Variants in ROBO2 observed in about 807,000 individuals in gnomAD.
The protein encoded by ROBO2 is roundabout homolog 2.
ROBO2 carries 53 observed loss-of-function variants against 160.8 expected under a neutral mutation model. The ratio of observed to expected loss-of-function variants is 0.33; its 90% CI spans 0.26 to 0.41. The LOEUF is 0.41. Ranked by LOEUF, ROBO2 falls within the 10% of genes least tolerant of loss-of-function variation. ROBO2 has a pLI of 1.00. For synonymous variants in ROBO2, 664 were observed against 611.7 expected (o/e 1.09, Z -1.26); for missense variants, 1,577 against 1,722.4 (o/e 0.92, Z 1.49).
At chr3:77,250,692 AAAG>A (rs2090240067) in intron 2 of ROBO2, among the ~76,000 whole-genome samples, 17 of 152,148 alleles carry the variant, frequency 1.1e-4, no homozygotes, top group Admixed American at 7.9e-4. Flanking sequence ...TGGAGTTTGG[AAAG>A]AGGAGATGCA....
intron 2 of ROBO2, among the ~76,000 whole-genome samples, chr3:77,261,425 A>G (rs2058764392): frequency 1.3e-5 from 2 of 152,292 alleles, no homozygotes; most frequent in African/African-American, 4.8e-5. Context: ...TTAAAATGAT[A>G]TTTAGTCTCA....
rs1392579284 is a variant in ROBO2 at position 75,994,923 on chromosome 3, G to A, written c.109+57321G>A. On this transcript the variant is annotated intron_variant, in intron 2 of 26. Coordinates refer to the ROBO2 transcript ENST00000487694. ...GAGATGAGAAACTTGTTGGGAAATGGAAAGTTTTAGCAAAGAGACTGGCGG... is the reference window on the plus strand; with the variant it reads ...GAGATGAGAAACTTGTTGGGAAATGAAAAGTTTTAGCAAAGAGACTGGCGG... Among the ~76,000 whole-genome samples the A allele has an allele frequency of 2.0e-5, 3 of 152,288 alleles. No individual in the cohort carries two copies. In the East Asian group the frequency reaches 5.8e-4, roughly 29 times the overall value.
intron 2 of ROBO2, among the ~76,000 whole-genome samples, chr3:76,983,957 A>G (rs780868879): frequency 1.3e-5 from 2 of 152,220 alleles, no homozygotes; most frequent in Non-Finnish European, 2.9e-5. Flanking sequence ...AGGAAACTTA[A>G]CAATCATGGC....
intron 2 of ROBO2, among the ~76,000 whole-genome samples, chr3:76,336,904 TATG>T (rs1306781904): frequency 6.6e-6 from 1 of 152,182 alleles, no homozygotes; most frequent in Admixed American, 6.5e-5. Flanking sequence ...TTAGGTAAAA[TATG>T]ATTCTAATTC....
intron 2 of ROBO2, among the ~76,000 whole-genome samples, chr3:76,431,147 A>G (rs1047040701): frequency 1.3e-5 from 2 of 152,168 alleles, no homozygotes; most frequent in African/African-American, 4.8e-5. Flanking sequence ...TCATAAAAAG[A>G]TAAACCATTG....
chr3:77,602,670 A>ACCG (rs1559705716), intron 20 of ROBO2, among the ~76,000 whole-genome samples, 179 bp downstream of exon 21: 32 of 116,110 alleles, frequency 2.8e-4, no homozygotes, highest in African/African-American at 7.0e-4. Context: ...CGCCACCACC[A>ACCG]CCACCACCAC....
At chr3:77,112,262 G>A (rs1228605618) in intron 2 of ROBO2, among the ~76,000 whole-genome samples, 1 of 150,944 alleles carries the variant, frequency 6.6e-6, no homozygotes. Flanking sequence ...GGGGACGCAG[G>A]GGCCGGAGTC....
chr3:77,609,205 T>A (rs1459699637), intron 21 of ROBO2, among the ~76,000 whole-genome samples: 2 of 152,066 alleles, frequency 1.3e-5, no homozygotes, highest in African/African-American at 4.8e-5. Context: ...ATATTGTTAT[T>A]TTACTTCTTT....
intron 2 of ROBO2, chr3:76,434,940 G>A (rs1209126695): frequency 1.2e-6 from 2 of 1,600,200 alleles, no homozygotes; most frequent in African/African-American, 2.7e-5. Context: ...CCCCAAACCA[G>A]CCACAAAGAA....
At chr3:76,085,837 A>G (rs1576797188) in intron 2 of ROBO2, among the ~76,000 whole-genome samples, 1 of 152,156 alleles carries the variant, frequency 6.6e-6, no homozygotes, top group African/African-American at 2.4e-5. Flanking sequence ...AAGGGCCCCC[A>G]CACTTTTGTG....
chr3:77,076,653 A>G (rs2149885294), intron 1 of ROBO2, among the ~76,000 whole-genome samples: 1 of 152,310 alleles, frequency 6.6e-6, no homozygotes, highest in Admixed American at 6.5e-5. Flanking sequence ...AACTGTTCAA[A>G]TAAGTATTAG....
In ROBO2 at chr3:77,366,457, C is replaced by A. The variant is rs139628773; in HGVS notation, c.389-110957C>A. On this transcript the variant is annotated intron_variant, in intron 2 of 25. Coordinates refer to ENST00000461745, the Ensembl canonical transcript of ROBO2. The stretch of plus-strand genomic sequence containing the variant: ...CTCTGAGAAGACGGCCTGTAGGAAC[C>A]AGAAAGCAGGCCCTCTCCAGACACC... 1.3e-4 allele frequency among the ~76,000 whole-genome samples: 20 copies of A among 152,188 alleles called. No individual in the cohort carries two copies. In the East Asian group the frequency reaches 3.3e-3, roughly 25 times the overall value.
intron 2 of ROBO2, among the ~76,000 whole-genome samples, chr3:77,469,493 G>C (rs1439391106): frequency 6.6e-6 from 1 of 152,136 alleles, no homozygotes; most frequent in African/African-American, 2.4e-5. Flanking sequence ...AGTGGTGTTG[G>C]TAGGGCTAGG....
intron 2 of ROBO2, among the ~76,000 whole-genome samples, chr3:76,616,745 G>C (rs1425273601): frequency 6.6e-6 from 1 of 152,122 alleles, no homozygotes; most frequent in African/African-American, 2.4e-5. Context: ...ATTTAGAGAG[G>C]TTTTTTGTTT....
chr3:77,513,617 G>C (rs2089663155), intron 5 of ROBO2, among the ~76,000 whole-genome samples: 1 of 151,732 alleles, frequency 6.6e-6, no homozygotes, highest in East Asian at 1.9e-4. Flanking sequence ...TGCAAACTGT[G>C]GGTTTTAAGT....
Position 77,247,142 on chromosome 3 carries a change from T to C in ROBO2, c.388+148802T>C, listed in dbSNP as rs186619165. Among the ~76,000 whole-genome samples the C allele has an allele frequency of 1.6e-3, 246 of 152,338 alleles. 2 individuals are homozygous for C. Among genetic ancestry groups the C allele is most frequent in the African/African-American group, 5.6e-3 (232 of 41,580 alleles). On this transcript the variant is annotated intron_variant, in intron 2 of 25. Transcript: ENST00000461745. The stretch of plus-strand genomic sequence containing the variant: ...GAATCATTCTGTACAGACTGAATTC[T>C]TTAGTCCATGTCTCGAGTTTTAAGT...
At chr3:76,418,306 C>T (rs990484544) in intron 2 of ROBO2, among the ~76,000 whole-genome samples, 27 of 114,702 alleles carry the variant, frequency 2.4e-4, no homozygotes, top group African/African-American at 9.1e-4. Flanking sequence ...TGCAGTGATG[C>T]GATCTCGGCT....
intron 1 of ROBO2, among the ~76,000 whole-genome samples, chr3:75,916,277 C>T (rs1213455721): frequency 3.9e-5 from 6 of 152,144 alleles, no homozygotes; most frequent in African/African-American, 1.4e-4. Flanking sequence ...TTTCACCTTG[C>T]TGGAGAACAA....
intron 2 of ROBO2, among the ~76,000 whole-genome samples, chr3:76,854,024 CTCTCTCT>C (rs769660003): frequency 0.049 from 733 of 15,064 alleles, 3 homozygotes; most frequent in Middle Eastern, 0.17. Context: ...GACTTTCTCT[CTCTCTCT>C]CTCTCTCTCT....
Sources: allele counts gnomAD v4.1 joint callset (sites outside exome capture counted in the v4.1 genomes callset), GRCh38; gene constraint gnomAD v4.1.1; transcripts MANE v1.5; gene names NCBI Gene and HGNC (gene_info 2026-07-23, HGNC 2026-07-21).